FGFR4: variants seen among roughly 807,000 people sequenced by gnomAD.
FGFR4 encodes the protein hydroxyaryl-protein kinase.
A neutral mutation model predicts 89.9 loss-of-function variants in FGFR4; 63 were observed. The ratio of observed to expected loss-of-function variants is 0.70; its 90% confidence interval spans 0.57 to 0.86. The LOEUF is 0.86. Among genes scored for constraint, FGFR4 ranks in the 40% least tolerant of loss-of-function variants. The pLI, the probability that FGFR4 is intolerant of heterozygous loss-of-function variation, is 0.00. For missense variants in FGFR4, 928 were observed against 1,106.7 expected (o/e 0.84, Z 2.29); for synonymous variants, 486 against 479.4 (o/e 1.01, Z -0.18).
intron 15 of FGFR4, 94 bp downstream of exon 15, chr5:177,096,451 C>T: frequency 6.4e-7 from 1 of 1,551,968 alleles, no homozygotes; most frequent in Non-Finnish European, 8.8e-7. Context: ...CTCGAGGGCT[C>T]CTTCAGATTT....
Position 177,093,924 on chromosome 5 carries a change from A to G in FGFR4, c.1519+149A>G. The G allele has an allele frequency of 1.0e-6, 1 of 1,001,744 alleles. No homozygotes were observed. The highest frequency in any genetic ancestry group is 1.4e-6 in the Non-Finnish European group (1 of 705,522). 62.1% of individuals were successfully genotyped at this position (1,001,744 alleles called of 1,614,324 possible). A position where few individuals can be genotyped will look rare whatever the true frequency, so the allele number is the denominator to read the frequency against. ...TCTACAAAAAAAAAATAAGAAAATT[A>G]GTTGGGTGTGGTGGTGTGTGCCTTT... On this transcript the variant is annotated intron_variant, in intron 11 of 17. Coordinates refer to ENST00000292408, the MANE Select transcript of FGFR4 (RefSeq NM_213647.3). The surrounding 1 kb of genome is among the most constrained non-coding windows in gnomAD (Gnocchi z 5.8).
intron 8 of FGFR4, 44 bp downstream of exon 8, chr5:177,092,828 G>A (rs1365567665): frequency 6.2e-7 from 1 of 1,613,866 alleles, no homozygotes; most frequent in Non-Finnish European, 8.5e-7. Flanking sequence ...ATGCCCCTCT[G>A]GGCCAGCAGT....
Position 177,095,351 on chromosome 5 carries a change from T to C in FGFR4, c.1541T>C (p.Leu514Pro), listed in dbSNP as rs773440554. ...ACAGACAACGCCTCTGACAAGGACC[T>C]GGCCGACCTGGTCTCGGAGATGGAG... ...MLKDNASDKDLADLVSEMEVM... is the reference protein window; with the variant it reads ...MLKDNASDKDPADLVSEMEVM... The change falls in exon 12 of 18, where the codon CTG becomes CCG. Residue 514 changes from leucine (L) to proline (P), a missense_variant. Physicochemically the swap from Leu to Pro is moderately conservative, Grantham distance 98. Around this residue, in one of 5 missense-constraint regions of FGFR4, gnomAD observed 741 missense variants for 836.9 expected, o/e 0.89. Transcript: ENST00000292408. The surrounding 1 kb of genome is among the most constrained non-coding windows in gnomAD (Gnocchi z 5.7). 5.6e-6 allele frequency: 9 copies of C among 1,614,166 alleles called. No individual in the cohort carries two copies. Among genetic ancestry groups the C allele is most frequent in the Non-Finnish European group, 6.8e-6 (8 of 1,180,014 alleles).
intron 4 of FGFR4, 35 bp downstream of exon 4, chr5:177,090,860 C>T (rs1784341487): frequency 6.2e-7 from 1 of 1,613,868 alleles, no homozygotes; most frequent in Non-Finnish European, 8.5e-7. Flanking sequence ...GTCCCCGCTG[C>T]TGCTCATCTG....
At chr5:177,096,829 A>G in intron 16 of FGFR4, 88 bp downstream of exon 16, 1 of 1,469,556 alleles carries the variant, frequency 6.8e-7, no homozygotes, top group Non-Finnish European at 9.1e-7. Context: ...CCCGGCCAGA[A>G]GGACAACACT....
At chr5:177,090,155 TCTTGGCCACTGTC>T (rs755192932) in intron 2 of FGFR4, 6 of 694,250 alleles carry the variant, frequency 8.6e-6, no homozygotes, top group Non-Finnish European at 1.3e-5. Context: ...TGTGTGTGTG[TCTTGGCCACTGTC>T]GTGTGCACTA....
In FGFR4 at chr5:177,090,371, C is replaced by T. The variant is rs369619218; in HGVS notation, c.92-19C>T. The T allele has an allele frequency of 1.3e-6, 2 of 1,599,966 alleles. No homozygotes were observed. Among genetic ancestry groups the T allele is most frequent in the South Asian group, 1.1e-5 (1 of 91,044 alleles). On this transcript the variant is annotated intron_variant, in intron 2 of 17. Transcript: ENST00000292408. ...AGATGGGGCTGCGGGGTCTGCTGAC[C>T]TCTGCCCTCTGCCCACAGAGCCCTG...
rs757425779 is a variant in FGFR4, at chr5:177,090,484, T to A, written c.186T>A (p.Arg62=). 1 of 1,588,224 alleles carries A rather than the reference T, an allele frequency of 6.3e-7. No individual in the cohort carries two copies. The highest frequency in any genetic ancestry group is 2.2e-5 in the East Asian group (1 of 44,682). The part of the protein sequence containing the change: ...PVRLCCGRAE[R]GGHWYKEGSR... ...GTCTGTGCTGTGGGCGGGCTGAGCG[T>A]GGTGGCCACTGGTACAAGGAGGGCA... Residue 62 remains arginine (R), a synonymous_variant, in exon 3 of 18, where the codon CGT becomes CGA. Coordinates refer to ENST00000292408, the MANE Select transcript of FGFR4 (RefSeq NM_213647.3).
intron 6 of FGFR4, among the ~76,000 whole-genome samples, 165 bp from the exon 7 acceptor site, chr5:177,092,156 C>T (rs1339975467): frequency 6.6e-6 from 1 of 152,122 alleles, no homozygotes; most frequent in East Asian, 1.9e-4. Flanking sequence ...TGTCCTTGAC[C>T]CGAAGCAATA....
In FGFR4 at chr5:177,093,827, A is replaced by T; in HGVS notation, c.1519+52A>T. On this transcript the variant is annotated intron_variant, in intron 11 of 17. Coordinates refer to ENST00000292408, the MANE Select transcript of FGFR4 (RefSeq NM_213647.3). The surrounding 1 kb of genome is among the most constrained non-coding windows in gnomAD (Gnocchi z 5.8). ...ACACCTGTAACGCCAGCACTTTAGG[A>T]GGCTGAGGGTGGGAGGATCGCTTGA... is the stretch of plus-strand genomic sequence containing the variant. The T allele has an allele frequency of 6.4e-7, 1 of 1,571,864 alleles. No homozygotes were observed. The highest frequency in any genetic ancestry group is 8.7e-7 in the Non-Finnish European group (1 of 1,152,366).
chr5:177,087,168 A>G lies in FGFR4; in HGVS notation c.-54+91A>G, dbSNP rs1784179823. 6.8e-6 allele frequency: 1 copy of G among 147,080 alleles called. No individual in the cohort carries two copies. The highest frequency in any genetic ancestry group is 2.5e-5 in the African/African-American group (1 of 39,646). 9.1% of individuals were successfully genotyped at this position (147,080 alleles called of 1,614,324 possible). ...CTACGGGGACTGCCCCTCCCGGCGC[A>G]GGGGACCTGGGCGTCCGCCGGGCGG... On this transcript the variant is annotated intron_variant, in intron 1 of 17. Transcript: ENST00000292408. This position sits in a 1 kb window ranked among gnomAD's most constrained non-coding sequence, Gnocchi z 6.1.
rs767722413 is a variant in FGFR4, at chr5:177,097,542, C to T, written c.2275C>T (p.Leu759=). The part of the protein sequence containing the change: ...AVSEEYLDLR[L]TFGPYSPSGG... ...TTCCCCACAGTACCTCGACCTCCGCCTGACCTTCGGACCCTATTCCCCCTC... is the reference window on the plus strand; with the variant it reads ...TTCCCCACAGTACCTCGACCTCCGCTTGACCTTCGGACCCTATTCCCCCTC... Residue 759 remains leucine, a synonymous_variant, in exon 18 of 18, where the codon CTG becomes TTG. Transcript: ENST00000292408. 1 of 1,613,820 alleles carries T rather than the reference C, an allele frequency of 6.2e-7. No individual in the cohort carries two copies. The highest frequency in any genetic ancestry group is 8.5e-7 in the Non-Finnish European group (1 of 1,179,878).
At chr5:177,096,896 C>T (rs1357915302) in intron 16 of FGFR4, among the ~76,000 whole-genome samples, 155 bp downstream of exon 16, 1 of 139,244 alleles carries the variant, frequency 7.2e-6, no homozygotes, top group South Asian at 2.4e-4. Flanking sequence ...CCTCTTCCTC[C>T]TCCTCCTCTT....
Position 177,093,425 on chromosome 5 carries a change from C to T in FGFR4, c.1271C>T (p.Ser424Phe), listed in dbSNP as rs1210299931. 3.1e-6 allele frequency: 5 copies of T among 1,614,138 alleles called. No homozygotes were observed. The highest frequency in any genetic ancestry group is 4.2e-6 in the Non-Finnish European group (5 of 1,179,984). ...LARQFSLESG[S>F]SGKSSSSLVR... ...TTGCAGTTCTCCCTGGAGTCAGGCTCTTCCGGCAAGTCAAGCTCATCCCTG... is the reference window on the plus strand; with the variant it reads ...TTGCAGTTCTCCCTGGAGTCAGGCTTTTCCGGCAAGTCAAGCTCATCCCTG... The change falls in exon 10 of 18, where the codon TCT (serine) becomes TTT (phenylalanine). Residue 424 changes from serine to phenylalanine, a missense_variant. By Grantham distance (155) the Ser-to-Phe change is radical. Around this residue, in one of 5 missense-constraint regions of FGFR4, gnomAD observed 741 missense variants for 836.9 expected, o/e 0.89. Transcript: ENST00000292408. The surrounding 1 kb of genome is among the most constrained non-coding windows in gnomAD (Gnocchi z 5.8).
In FGFR4 at chr5:177,093,320, C is replaced by T; in HGVS notation, c.1240C>T (p.Leu414=). ...TGTGCAGAAGCTCTCCCGCTTCCCTCTGGCCCGACAGGTACTGGGCGCATC... is the reference window on the plus strand; with the variant it reads ...TGTGCAGAAGCTCTCCCGCTTCCCTTTGGCCCGACAGGTACTGGGCGCATC... ...ATVQKLSRFP[L]ARQFSLESGS... Residue 414 remains leucine, a synonymous_variant, in exon 9 of 18, where the codon CTG becomes TTG. Transcript: ENST00000292408. This position sits in a 1 kb window ranked among gnomAD's most constrained non-coding sequence, Gnocchi z 5.8. 6.2e-7 allele frequency: 1 copy of T among 1,613,820 alleles called. No homozygotes were observed. The highest frequency in any genetic ancestry group is 1.1e-5 in the South Asian group (1 of 91,086).
Position 177,095,988 on chromosome 5 carries a change from G to T in FGFR4, c.1822-69G>T, listed in dbSNP as rs933288116. On this transcript the variant is annotated intron_variant, in intron 13 of 17. Coordinates refer to ENST00000292408, the MANE Select transcript of FGFR4 (RefSeq NM_213647.3). The surrounding 1 kb of genome is among the most constrained non-coding windows in gnomAD (Gnocchi z 5.7). ...GTGGAGGGCCCCTGCCCCCGGGCCT[G>T]CTGGGGGGTGGTGTGTGCTCAACTC... The T allele has an allele frequency of 6.4e-7, 1 of 1,562,080 alleles. No individual in the cohort carries two copies. Among genetic ancestry groups the T allele is most frequent in the Admixed American group, 1.8e-5 (1 of 54,318 alleles).
rs774016230 is a variant in FGFR4 at position 177,097,502 on chromosome 5, G to A, written c.2260-25G>A. 4.4e-6 allele frequency: 7 copies of A among 1,608,480 alleles called. 1 individual carries two copies. Among genetic ancestry groups the A allele is most frequent in the Middle Eastern group, 3.3e-4 (2 of 6,042 alleles). ...CCCGTCCCATCCCGGGCGCTGCAGA[G>A]GCTGACCAGCTCCGTTCCCCACAGT... On this transcript the variant is annotated intron_variant, in intron 17 of 17. Coordinates refer to ENST00000292408, the MANE Select transcript of FGFR4 (RefSeq NM_213647.3).
At chr5:177,090,291 A>C (rs442856) in intron 2 of FGFR4, 99 bp from the exon 3 acceptor site, 1 of 1,567,574 alleles carries the variant, frequency 6.4e-7, no homozygotes. Context: ...CATGCGTTGC[A>C]AAGTGCTTGT....
chr5:177,090,720 A>G, intron 3 of FGFR4, 25 bp from the exon 4 acceptor site: 3 of 1,575,718 alleles, frequency 1.9e-6, no homozygotes, highest in Non-Finnish European at 2.6e-6. Context: ...TGGACCTTAG[A>G]TGCTTCCCTC....
Sources: allele counts gnomAD v4.1 joint callset (sites outside exome capture counted in the v4.1 genomes callset), GRCh38; gene constraint gnomAD v4.1.1; regional missense constraint gnomAD v4.1.1; non-coding constraint Gnocchi (gnomAD v3.1); transcripts MANE v1.5; gene names NCBI Gene and HGNC (gene_info 2026-07-23, HGNC 2026-07-21).